The following TFEC variants were observed in gnomAD, a reference collection of about 807,000 sequenced individuals.
TFEC encodes transcription factor EC.
A neutral mutation model predicts 41.6 loss-of-function variants in TFEC; 31 were observed. That is an observed-to-expected ratio of 0.74 (90% confidence interval 0.56 to 1.01). The LOEUF is 1.01. Ranked by LOEUF, TFEC falls within the 50% of genes least tolerant of loss-of-function variation. The pLI is 0.00. For missense variants in TFEC, 402 were observed against 404.1 expected (o/e 0.99, Z 0.04); for synonymous variants, 143 against 140.6 (o/e 1.02, Z -0.12).
At chr7:116,125,501 G>C (rs756300110) in intron 1 of TFEC, among the ~76,000 whole-genome samples, 4 of 152,164 alleles carry the variant, frequency 2.6e-5, no homozygotes, top group Admixed American at 6.5e-5. Context: ...CATCATGGTT[G>C]TGCTTTGGAA....
chr7:115,949,185 C>G (rs1323989873), intron 6 of TFEC, among the ~76,000 whole-genome samples: 4 of 151,982 alleles, frequency 2.6e-5, no homozygotes, highest in African/African-American at 9.7e-5. Context: ...AACAACTGCT[C>G]AAGGAAATAA....
upstream of TFEC, among the ~76,000 whole-genome samples, chr7:116,034,687 T>TACACAC (rs58308740): frequency 0.021 from 3,042 of 148,342 alleles, 163 homozygotes; most frequent in East Asian, 0.23. Flanking sequence ...CAGGCATGCA[T>TACACAC]ACACACACAC....
At chr7:115,968,859 T>C (rs561602309) in intron 3 of TFEC, among the ~76,000 whole-genome samples, 1 of 152,010 alleles carries the variant, frequency 6.6e-6, no homozygotes, top group South Asian at 2.1e-4. Flanking sequence ...TACTGAACTC[T>C]CTAAGCTTCT....
intron 1 of TFEC, among the ~76,000 whole-genome samples, chr7:115,991,552 C>T (rs893126593): frequency 6.6e-6 from 1 of 150,606 alleles, no homozygotes; most frequent in African/African-American, 2.4e-5. Context: ...AAATGGAAAA[C>T]AAAAAAAAGG....
At chr7:115,941,616 TA>T (rs1793504146) in intron 7 of TFEC, 1 of 344,764 alleles carries the variant, frequency 2.9e-6, no homozygotes, top group Admixed American at 4.6e-5. Context: ...TATATATGTG[TA>T]TATATATATA....
intron 3 of TFEC, among the ~76,000 whole-genome samples, chr7:116,077,400 A>G (rs1020714459): frequency 6.6e-6 from 1 of 152,158 alleles, no homozygotes; most frequent in African/African-American, 2.4e-5. Context: ...AAATAGCACA[A>G]TGGATAGAAT....
chr7:116,023,516 A>G (rs544439904), intron 1 of TFEC, among the ~76,000 whole-genome samples: 1 of 152,294 alleles, frequency 6.6e-6, no homozygotes, highest in East Asian at 1.9e-4. Context: ...ATTGTGCAAA[A>G]AAACTAAAGA....
intron 3 of TFEC, among the ~76,000 whole-genome samples, chr7:116,092,992 G>A (rs1289346682): frequency 6.6e-6 from 1 of 152,116 alleles, no homozygotes. Flanking sequence ...CCAGTTTAAA[G>A]GAAGCATAGA....
At chr7:116,057,310 T>C (rs917261024) in intron 3 of TFEC, among the ~76,000 whole-genome samples, 1 of 152,006 alleles carries the variant, frequency 6.6e-6, no homozygotes, top group South Asian at 2.1e-4. Context: ...TTCAAGAAGC[T>C]AAATTAACTC....
At position 115,942,460 on chromosome 7, in the gene TFEC, T is replaced by C. The variant is rs138416579; in HGVS notation, c.516-420A>G. Among the ~76,000 whole-genome samples the C allele has an allele frequency of 1.7e-4, 26 of 152,162 alleles. No homozygotes were observed. In the East Asian group the frequency reaches 4.9e-3, roughly 28 times the overall value. ...TAAGATCATTTCAAATGTAGCAATCTTTTAACCTATTTTCTAATAAGGTTG... is the reference window on the plus strand; with the variant it reads ...TAAGATCATTTCAAATGTAGCAATCCTTTAACCTATTTTCTAATAAGGTTG... On this transcript the variant is annotated intron_variant, in intron 6 of 7. Coordinates refer to ENST00000265440, the MANE Select transcript of TFEC (RefSeq NM_012252.4).
intron 6 of TFEC, among the ~76,000 whole-genome samples, chr7:115,949,551 A>T (rs1322388577): frequency 6.6e-6 from 1 of 152,056 alleles, no homozygotes; most frequent in Admixed American, 6.6e-5. Context: ...TACCGCATAT[A>T]TAAAACTATC....
intron 1 of TFEC, among the ~76,000 whole-genome samples, chr7:116,124,334 A>G (rs933118891): frequency 1.3e-5 from 2 of 152,156 alleles, no homozygotes; most frequent in African/African-American, 4.8e-5. Flanking sequence ...CTTGCATTCT[A>G]AGGTAGGACA....
At chr7:116,060,625 C>T (rs1796531679) in intron 3 of TFEC, among the ~76,000 whole-genome samples, 1 of 152,104 alleles carries the variant, frequency 6.6e-6, no homozygotes, top group Non-Finnish European at 1.5e-5. Flanking sequence ...AAACCAAATA[C>T]TGTATGTTTT....
At chr7:116,143,793 A>C (rs1284068529) in intron 1 of TFEC, among the ~76,000 whole-genome samples, 1 of 152,162 alleles carries the variant, frequency 6.6e-6, no homozygotes, top group Non-Finnish European at 1.5e-5. Flanking sequence ...CCTTAATTAT[A>C]ATGTTTAGTA....
chr7:116,081,784 G>A (rs1797096176), intron 3 of TFEC, among the ~76,000 whole-genome samples: 1 of 152,068 alleles, frequency 6.6e-6, no homozygotes, highest in Non-Finnish European at 1.5e-5. Context: ...TATACTCAAA[G>A]TAATCTTTTA....
intron 1 of TFEC, among the ~76,000 whole-genome samples, chr7:116,145,990 AC>A (rs956892361): frequency 1.3e-5 from 2 of 152,236 alleles, no homozygotes; most frequent in African/African-American, 4.8e-5. Flanking sequence ...TAAAGGTAAA[AC>A]AAACACTGAC....
chr7:115,961,488 A>G (rs1792548839), intron 3 of TFEC, among the ~76,000 whole-genome samples: 1 of 151,568 alleles, frequency 6.6e-6, no homozygotes, highest in African/African-American at 2.4e-5. Flanking sequence ...ATTAACCATC[A>G]TTCTTTTAAA....
At chr7:116,096,453 G>A (rs886586342) in intron 3 of TFEC, among the ~76,000 whole-genome samples, 2 of 152,186 alleles carry the variant, frequency 1.3e-5, no homozygotes, top group Non-Finnish European at 2.9e-5. Flanking sequence ...GTTGGAGCAG[G>A]TGGATCCTTG....
intron 1 of TFEC, among the ~76,000 whole-genome samples, chr7:116,140,272 C>G (rs994970001): frequency 2.0e-5 from 3 of 152,178 alleles, no homozygotes; most frequent in Non-Finnish European, 4.4e-5. Context: ...AAATGAGTGG[C>G]TCTGGAAGAG....
Sources: gnomAD v4.1 joint callset for allele counts (sites outside exome capture counted in the v4.1 genomes callset) on GRCh38, gnomAD v4.1.1 for gene constraint, MANE v1.5 for transcripts, NCBI Gene and HGNC (gene_info 2026-07-23, HGNC 2026-07-21) for gene names.